DAB1: variants seen among roughly 807,000 people sequenced by gnomAD.
DAB1 encodes the protein disabled homolog 1.
DAB1 carries 15 observed loss-of-function variants against 64.6 expected under a neutral mutation model. That is an observed-to-expected ratio of 0.23 (90% CI 0.16 to 0.36). DAB1 has a LOEUF of 0.36. Among genes scored for constraint, DAB1 ranks in the 10% least tolerant of loss-of-function variants. The probability of loss-of-function intolerance (pLI) is 1.00; values close to 1 mark genes in which losing one functional copy is unlikely to be tolerated. For synonymous variants in DAB1, 235 were observed against 251.9 expected, an observed-to-expected ratio of 0.93 and a Z score of 0.64; for missense variants, 596 against 706.7, an observed-to-expected ratio of 0.84 and a Z score of 1.78.
intron 5 of DAB1, among the ~76,000 whole-genome samples, chr1:58,113,367 G>T (rs1230841131): frequency 6.6e-6 from 1 of 152,142 alleles, no homozygotes; most frequent in East Asian, 1.9e-4. Flanking sequence ...ATGCCCAGGT[G>T]AATGGTGTCC....
Position 58,029,182 on chromosome 1 carries a change from GGTTA to G in DAB1, n.387+121325_387+121328del, listed in dbSNP as rs1646936941. On this transcript the variant is annotated intron_variant and non_coding_transcript_variant, in intron 5 of 20. Transcript: ENST00000485760. ...CCAAGTTAAAAATCAGACCTTGAGA[GGTTA>G]GTGTCTGGGTAGCCCTTATCCCAGC... Among the ~76,000 whole-genome samples the G allele has an allele frequency of 2.0e-5, 3 of 152,324 alleles. No individual in the cohort carries two copies. In the South Asian group the frequency reaches 6.2e-4, roughly 32 times the overall value.
intron 1 of DAB1, among the ~76,000 whole-genome samples, chr1:57,879,438 A>G (rs950243811): frequency 2.0e-5 from 3 of 152,146 alleles, no homozygotes; most frequent in African/African-American, 7.2e-5. Context: ...ACTTTTTAAA[A>G]TCATGTTGTT....
chr1:58,028,483 C>T (rs1646926402), intron 5 of DAB1, among the ~76,000 whole-genome samples: 1 of 152,126 alleles, frequency 6.6e-6, no homozygotes. Context: ...CAGGCAGCTT[C>T]AGTACTATGT....
intron 6 of DAB1, among the ~76,000 whole-genome samples, chr1:57,790,878 C>A (rs1650564826): frequency 6.6e-6 from 1 of 151,892 alleles, no homozygotes; most frequent in Non-Finnish European, 1.5e-5. Context: ...TTACTACACA[C>A]ACACTCACAC....
At chr1:58,274,748 G>T (rs186612396) in intron 4 of DAB1, among the ~76,000 whole-genome samples, 1 of 152,134 alleles carries the variant, frequency 6.6e-6, no homozygotes, top group Non-Finnish European at 1.5e-5. Flanking sequence ...CGCAATATTC[G>T]GGTGGGAGTG....
At chr1:57,028,687 C>T (rs1434072424) in intron 9 of DAB1, among the ~76,000 whole-genome samples, 2 of 152,190 alleles carry the variant, frequency 1.3e-5, no homozygotes, top group African/African-American at 4.8e-5. Context: ...TGGTTGGGAA[C>T]TGGAGCAAAG....
chr1:57,166,800 C>A (rs1661248539), intron 2 of DAB1, among the ~76,000 whole-genome samples: 1 of 152,284 alleles, frequency 6.6e-6, no homozygotes, highest in South Asian at 2.1e-4. Flanking sequence ...GGGCACCCAT[C>A]ATAAGTCAGG....
chr1:57,282,365 G>C (rs543294088), intron 2 of DAB1, among the ~76,000 whole-genome samples: 1 of 151,938 alleles, frequency 6.6e-6, no homozygotes, highest in African/African-American at 2.4e-5. Flanking sequence ...GGGAGCAAGC[G>C]GAGTGACAGA....
chr1:57,794,658 G>A (rs1650756388), intron 6 of DAB1, among the ~76,000 whole-genome samples: 2 of 152,174 alleles, frequency 1.3e-5, no homozygotes, highest in East Asian at 1.9e-4. Flanking sequence ...GTCTCCATGT[G>A]TGTTATTTCT....
intron 1 of DAB1, chr1:57,874,037 A>G (rs559839867): frequency 6.6e-6 from 1 of 152,114 alleles, no homozygotes. Context: ...TCACTGCTGA[A>G]GAGAAGAGTG....
intron 1 of DAB1, among the ~76,000 whole-genome samples, chr1:57,403,324 C>G (rs1191029712): frequency 6.6e-6 from 1 of 152,136 alleles, no homozygotes; most frequent in East Asian, 1.9e-4. Flanking sequence ...CCATCAGTGC[C>G]ACTGCTTGGG....
chr1:57,121,673 A>AG (rs1185193627), intron 4 of DAB1, among the ~76,000 whole-genome samples: 1 of 152,078 alleles, frequency 6.6e-6, no homozygotes, highest in African/African-American at 2.4e-5. Context: ...GTTTTCTTCT[A>AG]GGGTTTTTAC....
At chr1:57,435,916 C>CTTTTTTT (rs1183686656) in intron 7 of DAB1, among the ~76,000 whole-genome samples, 2 of 127,186 alleles carry the variant, frequency 1.6e-5, no homozygotes, top group Non-Finnish European at 3.4e-5. Context: ...TTTTTTCTTT[C>CTTTTTTT]TTTTTTTTTT....
intron 2 of DAB1, among the ~76,000 whole-genome samples, chr1:57,258,277 T>C (rs983748317): frequency 2.6e-5 from 4 of 152,124 alleles, no homozygotes; most frequent in African/African-American, 9.7e-5. Context: ...GGAAGAGAGA[T>C]TCTCACCAAA....
At chr1:57,306,139 C>T (rs983506068) in intron 1 of DAB1, among the ~76,000 whole-genome samples, 1 of 152,102 alleles carries the variant, frequency 6.6e-6, no homozygotes, top group African/African-American at 2.4e-5. Context: ...AACACAGGCA[C>T]AGAAGTGATA....
intron 7 of DAB1, among the ~76,000 whole-genome samples, chr1:57,485,921 T>G (rs1005993656): frequency 2.6e-5 from 4 of 152,150 alleles, no homozygotes; most frequent in African/African-American, 9.7e-5. Context: ...AAGGCGGCCG[T>G]TCACTGAAGC....
chr1:57,457,619 T>G (rs753223620), intron 7 of DAB1, among the ~76,000 whole-genome samples: 1 of 152,070 alleles, frequency 6.6e-6, no homozygotes, highest in Non-Finnish European at 1.5e-5. Flanking sequence ...GAAGAGAGGA[T>G]GGACGGAGGT....
chr1:57,313,374 A>T (rs1428547855), intron 1 of DAB1, among the ~76,000 whole-genome samples: 2 of 152,114 alleles, frequency 1.3e-5, no homozygotes, highest in Non-Finnish European at 2.9e-5. Context: ...AAAATGTGTT[A>T]AAAAAATTAT....
intron 7 of DAB1, among the ~76,000 whole-genome samples, chr1:57,553,942 A>G (rs1025238917): frequency 6.6e-6 from 1 of 152,086 alleles, no homozygotes; most frequent in African/African-American, 2.4e-5. Context: ...CAGCTGAGAA[A>G]GGAAGGAGGG....
Sources: gnomAD v4.1 joint callset for allele counts (sites outside exome capture counted in the v4.1 genomes callset) on GRCh38, gnomAD v4.1.1 for gene constraint, MANE v1.5 for transcripts, NCBI Gene and HGNC (gene_info 2026-07-23, HGNC 2026-07-21) for gene names.